Variants in SYT1 observed in about 807,000 individuals in gnomAD.
SYT1 encodes the protein synaptotagmin-1.
SYT1 carries 8 observed loss-of-function variants against 44.8 expected under a neutral mutation model. The observed-to-expected ratio is 0.18, with a 90% CI of 0.10 to 0.32. The LOEUF is 0.32. Ranked by LOEUF, SYT1 falls within the 10% of genes least tolerant of loss-of-function variation. The pLI is 1.00. For synonymous variants in SYT1, 154 were observed against 188.8 expected, an observed-to-expected ratio of 0.82 and a Z score of 1.51; for missense variants, 286 against 509.3, an observed-to-expected ratio of 0.56 and a Z score of 4.22.
intron 3 of SYT1, among the ~76,000 whole-genome samples, chr12:79,137,402 T>A (rs1869269594): frequency 1.3e-5 from 2 of 152,086 alleles, no homozygotes; most frequent in South Asian, 4.1e-4. Context: ...GGCCAGAACT[T>A]TTTTATACTT....
intron 9 of SYT1, among the ~76,000 whole-genome samples, chr12:79,398,272 A>G (rs929865855): frequency 1.2e-4 from 19 of 152,350 alleles, no homozygotes; most frequent in Middle Eastern, 3.4e-3. Context: ...AAGACAGAAT[A>G]CTAAGGGCCA....
At chr12:79,066,524 T>G (rs949847229) in intron 3 of SYT1, among the ~76,000 whole-genome samples, 47 of 151,374 alleles carry the variant, frequency 3.1e-4, no homozygotes, top group African/African-American at 1.1e-3. Flanking sequence ...ATGGAGGCCA[T>G]ATCATCATCT....
chr12:79,026,674 T>A (rs1056393432), intron 2 of SYT1, among the ~76,000 whole-genome samples: 2 of 118,348 alleles, frequency 1.7e-5, no homozygotes, highest in East Asian at 4.9e-4. Context: ...ATTTTATATA[T>A]ATATATATAT....
At chr12:78,978,367 G>A (rs1473838093) in intron 2 of SYT1, among the ~76,000 whole-genome samples, 3 of 152,156 alleles carry the variant, frequency 2.0e-5, no homozygotes, top group Non-Finnish European at 4.4e-5. Flanking sequence ...ATTGGGTGAG[G>A]GGTTAGAGGG....
At chr12:79,334,734 C>A (rs1882011040) in intron 8 of SYT1, among the ~76,000 whole-genome samples, 1 of 152,108 alleles carries the variant, frequency 6.6e-6, no homozygotes, top group African/African-American at 2.4e-5. Flanking sequence ...CATCATTTTT[C>A]TTCTTATGTC....
At chr12:78,943,946 T>G (rs763275631) in intron 1 of SYT1, among the ~76,000 whole-genome samples, 4 of 152,210 alleles carry the variant, frequency 2.6e-5, no homozygotes, top group Non-Finnish European at 4.4e-5. Flanking sequence ...AACTTCTTCC[T>G]GTTGAATTAG....
At chr12:78,963,015 A>T (rs922866454) in intron 1 of SYT1, among the ~76,000 whole-genome samples, 9 of 152,034 alleles carry the variant, frequency 5.9e-5, no homozygotes, top group Non-Finnish European at 1.2e-4. Context: ...TGATTCTATG[A>T]GTTTGACTAT....
chr12:79,003,638 A>G (rs1168347064), intron 2 of SYT1, among the ~76,000 whole-genome samples: 4 of 152,002 alleles, frequency 2.6e-5, no homozygotes, highest in African/African-American at 9.6e-5. Context: ...ACAAAAGGGT[A>G]TACTTTAATT....
At chr12:78,987,577 T>C (rs1171914873) in intron 2 of SYT1, among the ~76,000 whole-genome samples, 6 of 152,062 alleles carry the variant, frequency 3.9e-5, no homozygotes, top group Non-Finnish European at 8.8e-5. Context: ...AGGCTACACA[T>C]GACCTTCCCC....
intron 1 of SYT1, among the ~76,000 whole-genome samples, chr12:78,895,105 TG>T (rs1875285528): frequency 1.3e-5 from 2 of 151,702 alleles, no homozygotes; most frequent in Admixed American, 6.6e-5. Context: ...CCACTATTTT[TG>T]ATGTATTCTC....
At chr12:79,262,175 T>C (rs1877865234) in intron 4 of SYT1, among the ~76,000 whole-genome samples, 1 of 152,244 alleles carries the variant, frequency 6.6e-6, no homozygotes, top group African/African-American at 2.4e-5. Context: ...TGGTCAGTTG[T>C]AGTTAACAAG....
intron 3 of SYT1, among the ~76,000 whole-genome samples, chr12:79,060,941 G>A (rs2137841841): frequency 6.6e-6 from 1 of 152,082 alleles, no homozygotes; most frequent in African/African-American, 2.4e-5. Flanking sequence ...TTATAAATAT[G>A]CCACATTTTA....
intron 2 of SYT1, among the ~76,000 whole-genome samples, chr12:79,011,305 A>C (rs1447471004): frequency 2.6e-5 from 4 of 152,184 alleles, no homozygotes; most frequent in South Asian, 4.1e-4. Context: ...TATCTCCTTA[A>C]GTTTACATAC....
intron 9 of SYT1, among the ~76,000 whole-genome samples, chr12:79,412,177 T>C (rs1868470929): frequency 6.6e-6 from 1 of 152,148 alleles, no homozygotes; most frequent in Non-Finnish European, 1.5e-5. Flanking sequence ...CTGGGTCTTG[T>C]GTCCCTTCTG....
At chr12:79,017,093 A>T (rs1327628778) in intron 2 of SYT1, among the ~76,000 whole-genome samples, 1 of 152,170 alleles carries the variant, frequency 6.6e-6, no homozygotes, top group Non-Finnish European at 1.5e-5. Context: ...AATATTCCAC[A>T]AGATTTCCAA....
At chr12:78,955,911 T>G (rs1224457728) in intron 1 of SYT1, among the ~76,000 whole-genome samples, 12 of 151,704 alleles carry the variant, frequency 7.9e-5, no homozygotes, top group African/African-American at 2.7e-4. Context: ...TCCCCTATCT[T>G]TTGAAATTTC....
intron 2 of SYT1, among the ~76,000 whole-genome samples, chr12:79,024,778 T>C (rs906762297): frequency 5.9e-5 from 9 of 151,960 alleles, no homozygotes; most frequent in Admixed American, 2.6e-4. Context: ...CTATATTTTT[T>C]ATTTTTGTGA....
chr12:79,422,955 A>G (rs1869209617), intron 9 of SYT1, among the ~76,000 whole-genome samples: 1 of 152,106 alleles, frequency 6.6e-6, no homozygotes, highest in Non-Finnish European at 1.5e-5. Context: ...GAAGCAGCCC[A>G]CTTCTGTCCA....
chr12:78,899,796 T>C (rs951037807), intron 1 of SYT1, among the ~76,000 whole-genome samples: 2 of 152,064 alleles, frequency 1.3e-5, no homozygotes, highest in African/African-American at 2.4e-5. Flanking sequence ...TTATACTTTT[T>C]ATCAAAACTT....
Sources: allele counts gnomAD v4.1 joint callset (sites outside exome capture counted in the v4.1 genomes callset), GRCh38; gene constraint gnomAD v4.1.1; transcripts MANE v1.5; gene names NCBI Gene and HGNC (gene_info 2026-07-23, HGNC 2026-07-21).